Variants in EPB41L4A observed in about 807,000 individuals in gnomAD.
EPB41L4A encodes the protein band 4.1-like protein 4A.
EPB41L4A carries 100 observed loss-of-function variants against 108.6 expected under a neutral mutation model. The observed-to-expected ratio is 0.92, with a 90% confidence interval of 0.78 to 1.09. The LOEUF (loss-of-function observed/expected upper bound fraction) is 1.09, where lower values mean the gene tolerates loss of function less well. EPB41L4A is among the 50% of genes least tolerant of loss of function. The pLI is 0.00. For synonymous variants in EPB41L4A, 319 were observed against 289.0 expected, an observed-to-expected ratio of 1.10 and a Z score of -1.05; for missense variants, 1,030 against 842.7, an observed-to-expected ratio of 1.22 and a Z score of -2.75.
intron 1 of EPB41L4A, among the ~76,000 whole-genome samples, chr5:112,374,134 A>T (rs1430299085): frequency 6.6e-6 from 1 of 152,198 alleles, no homozygotes; most frequent in Non-Finnish European, 1.5e-5. Context: ...GCATTCTTCA[A>T]ATGTCAGAGG....
Position 112,209,880 on chromosome 5 carries a change from A to T in EPB41L4A, c.1178+12T>A, listed in dbSNP as rs1157380709. The T allele has an allele frequency of 1.7e-5, 26 of 1,536,134 alleles. No individual in the cohort carries two copies. The highest frequency in any genetic ancestry group is 2.3e-5 in the Non-Finnish European group (26 of 1,115,448). ...CATATAATTGTACGTTTCTTCAGTT[A>T]ACTTCACTGACCTTTTTACTGGTGA... On this transcript the variant is annotated intron_variant, in intron 13 of 22. Coordinates refer to ENST00000261486, the MANE Select transcript of EPB41L4A (RefSeq NM_022140.5).
At chr5:112,259,096 T>C (rs1335816978) in intron 9 of EPB41L4A, 133 bp downstream of exon 9, 1 of 690,994 alleles carries the variant, frequency 1.4e-6, no homozygotes, top group Non-Finnish European at 2.6e-6. Context: ...TGAGAAGTTG[T>C]GCATGTGAGT....
chr5:112,166,384 C>CT (rs1434106895), intron 22 of EPB41L4A, among the ~76,000 whole-genome samples: 1 of 152,218 alleles, frequency 6.6e-6, no homozygotes, highest in African/African-American at 2.4e-5. Context: ...TTCCCACAGC[C>CT]TTTAAGTCCC....
chr5:112,392,401 CAAAAAAAAAA>C (rs56256606), intron 1 of EPB41L4A, among the ~76,000 whole-genome samples: 7 of 35,924 alleles, frequency 1.9e-4, no homozygotes, highest in East Asian at 1.2e-3. Context: ...AAATGGAAAG[CAAAAAAAAAA>C]AAAAAAAAAA....
At chr5:112,323,016 T>C (rs1214026524) in intron 1 of EPB41L4A, among the ~76,000 whole-genome samples, 1 of 131,370 alleles carries the variant, frequency 7.6e-6, no homozygotes, top group African/African-American at 2.6e-5. Flanking sequence ...ATTTGATTTC[T>C]GAAATTAAAG....
chr5:112,307,346 T>G (rs1203899151), intron 2 of EPB41L4A, 40 bp downstream of exon 2: 2 of 1,390,568 alleles, frequency 1.4e-6, no homozygotes, highest in Non-Finnish European at 2.0e-6. Flanking sequence ...AGAGTGAAAT[T>G]TATAACCAGA....
intron 9 of EPB41L4A, among the ~76,000 whole-genome samples, chr5:112,250,432 T>C (rs1486328578): frequency 6.6e-6 from 1 of 152,222 alleles, no homozygotes; most frequent in African/African-American, 2.4e-5. Flanking sequence ...ATCTGTTTTG[T>C]AGTATTCCTA....
Position 112,336,170 on chromosome 5 carries a change from A to G in EPB41L4A, c.100-28680T>C, listed in dbSNP as rs146513710. On this transcript the variant is annotated intron_variant, in intron 1 of 22. Transcript: ENST00000261486. The stretch of plus-strand genomic sequence containing the variant: ...CAAAGGAGTATGAGAAAGCAGTCAC[A>G]CATTACTAGTTCAAGGAGCAGTGGC... 2.7e-3 allele frequency among the ~76,000 whole-genome samples: 412 copies of G among 152,346 alleles called. 3 individuals carry two copies. Among genetic ancestry groups the G allele is most frequent in the African/African-American group, 9.2e-3 (383 of 41,572 alleles).
At chr5:112,153,056 T>G (rs1306531950) in intron 12 of EPB41L4A, among the ~76,000 whole-genome samples, 1 of 150,314 alleles carries the variant, frequency 6.7e-6, no homozygotes, top group African/African-American at 2.5e-5. Context: ...ATGTCTCTAA[T>G]AAATACACAA....
At chr5:112,373,977 T>C (rs1339756024) in intron 1 of EPB41L4A, among the ~76,000 whole-genome samples, 2 of 152,252 alleles carry the variant, frequency 1.3e-5, no homozygotes, top group Non-Finnish European at 2.9e-5. Context: ...TTTTCATGAA[T>C]ACGTGGTAAA....
Position 112,280,318 on chromosome 5 carries a change from C to T in EPB41L4A, c.210G>A (p.Trp70Ter), listed in dbSNP as rs763392157. 1.9e-6 allele frequency: 3 copies of T among 1,613,734 alleles called. No individual in the cohort carries two copies. Among genetic ancestry groups the T allele is most frequent in the Non-Finnish European group, 2.5e-6 (3 of 1,179,696 alleles). Reference sequence around the variant, plus strand: ...CAGCAAGGGTTTTTGCAGGATCCAGCCAATACTGTGTGAGGAAGAAAAGGA... The same window carrying T: ...CAGCAAGGGTTTTTGCAGGATCCAGTCAATACTGTGTGAGGAAGAAAAGGA... The part of the protein sequence containing the change: ...RYCDRSHQTY[W>*]LDPAKTLAEH... The change falls in exon 3 of 23, where the codon TGG becomes TGA. Residue 70 changes from tryptophan to a stop codon, truncating the protein, a stop_gained. Transcript: ENST00000261486. LOFTEE classifies it high-confidence loss of function.
chr5:112,390,322 A>C (rs1760851565), intron 1 of EPB41L4A, among the ~76,000 whole-genome samples: 1 of 152,224 alleles, frequency 6.6e-6, no homozygotes, highest in East Asian at 1.9e-4. Context: ...CTGTACCTGG[A>C]AAATGAGGAC....
At chr5:112,152,559 T>C (rs1759508612) in intron 12 of EPB41L4A, among the ~76,000 whole-genome samples, 1 of 152,128 alleles carries the variant, frequency 6.6e-6, no homozygotes, top group Non-Finnish European at 1.5e-5. Flanking sequence ...GTGCCATCTG[T>C]GAGGAATGGG....
intron 1 of EPB41L4A, among the ~76,000 whole-genome samples, chr5:112,324,195 AAACTT>A (rs1348587344): frequency 2.6e-5 from 4 of 152,218 alleles, no homozygotes; most frequent in African/African-American, 9.6e-5. Context: ...CAGGAAGAGA[AAACTT>A]AACAGATGAG....
In EPB41L4A at chr5:112,205,425, G is replaced by A; in HGVS notation, c.1258C>T (p.Gln420Ter). 1 of 1,612,274 alleles carries A rather than the reference G, an allele frequency of 6.2e-7. No homozygotes were observed. Among genetic ancestry groups the A allele is most frequent in the Middle Eastern group, 1.7e-4 (1 of 6,060 alleles). Residue 420 changes from glutamine to a stop codon, truncating the protein, a stop_gained, in exon 14 of 23, where the codon CAG becomes TAG. Transcript: ENST00000261486. LOFTEE classifies it high-confidence loss of function. ...AAAAACAATGATTCCCTTTACCTCT[G>A]GGGGCCATTTTCTTCCCACGGTGCA... ...SHAPWEENGP[Q>*]SGLYNSPSDR...
intron 16 of EPB41L4A, 21 bp downstream of exon 16, chr5:112,195,640 C>G (rs375863868): frequency 2.7e-5 from 43 of 1,596,338 alleles, no homozygotes; most frequent in Non-Finnish European, 3.5e-5. Context: ...TCTGACTGTC[C>G]TTCCATTTTT....
chr5:112,336,948 A>G (rs1756959410), intron 1 of EPB41L4A, among the ~76,000 whole-genome samples: 1 of 152,202 alleles, frequency 6.6e-6, no homozygotes, highest in African/African-American at 2.4e-5. Context: ...TACCTTGCTC[A>G]TAAGACAACA....
chr5:112,279,851 C>CT (rs569847508), intron 3 of EPB41L4A, among the ~76,000 whole-genome samples: 1 of 152,138 alleles, frequency 6.6e-6, no homozygotes, highest in Non-Finnish European at 1.5e-5. Context: ...GCTTAGGAAA[C>CT]TGAGTGGTCT....
chr5:112,242,690 G>A (rs561237580), intron 9 of EPB41L4A, among the ~76,000 whole-genome samples: 148 of 152,210 alleles, frequency 9.7e-4, no homozygotes, highest in Non-Finnish European at 1.6e-3. Flanking sequence ...ATTATCTATC[G>A]CATCTATAGT....
Sources: gnomAD v4.1 joint callset for allele counts (sites outside exome capture counted in the v4.1 genomes callset) on GRCh38, gnomAD v4.1.1 for gene constraint, MANE v1.5 for transcripts, NCBI Gene and HGNC (gene_info 2026-07-23, HGNC 2026-07-21) for gene names.